PITPNA: variants seen among roughly 807,000 people sequenced by gnomAD.
PITPNA encodes the protein phosphatidylinositol transfer protein alpha.
A neutral mutation model predicts 50.3 loss-of-function variants in PITPNA; 13 were observed. The observed-to-expected ratio is 0.26, with a 90% CI of 0.17 to 0.41. The LOEUF (loss-of-function observed/expected upper bound fraction) is 0.41, where lower values mean the gene tolerates loss of function less well. Among genes scored for constraint, PITPNA ranks in the 10% least tolerant of loss-of-function variants. The pLI is 1.00. For synonymous variants in PITPNA, 120 were observed against 119.6 expected (o/e 1.00, Z -0.02); for missense variants, 207 against 333.4 (o/e 0.62, Z 2.95).
intron 10 of PITPNA, among the ~76,000 whole-genome samples, chr17:1,531,693 C>G (rs2075584588): frequency 6.6e-6 from 1 of 151,652 alleles, no homozygotes; most frequent in South Asian, 2.1e-4. Context: ...CTAAGAGCAT[C>G]AGCATAGATT....
intron 11 of PITPNA, among the ~76,000 whole-genome samples, chr17:1,521,035 A>G (rs2075508344): frequency 6.6e-6 from 1 of 152,056 alleles, no homozygotes; most frequent in Non-Finnish European, 1.5e-5. Context: ...AGGGGCCCCC[A>G]ATCTGGCCCT....
intron 7 of PITPNA, 42 bp downstream of exon 7, chr17:1,538,827 T>G: frequency 7.9e-7 from 1 of 1,272,478 alleles, no homozygotes; most frequent in South Asian, 1.2e-5. Flanking sequence ...AGAAGTCATT[T>G]CTGCGTCTCG....
rs746747639 is a variant in PITPNA, at chr17:1,520,775, G to A, written c.*23-237C>T. ...TGGGAACATGGGGCAGGGAGAGTAAGCAGGGCCTGCCGTCACTCCTGGTGA... is the reference window on the plus strand; with the variant it reads ...TGGGAACATGGGGCAGGGAGAGTAAACAGGGCCTGCCGTCACTCCTGGTGA... On this transcript the variant is annotated intron_variant, in intron 11 of 11. Transcript: ENST00000313486. Among the ~76,000 whole-genome samples the A allele has an allele frequency of 8.5e-5, 13 of 152,172 alleles. 1 individual carries two copies. Among genetic ancestry groups the A allele is most frequent in the Non-Finnish European group, 1.8e-4 (12 of 68,026 alleles).
In PITPNA at chr17:1,558,769, A is replaced by ACCCCCCCCCCCCCCCCC. The variant is rs147366133; in HGVS notation, c.21-211_21-210insGGGGGGGGGGGGGGGGG. Among the ~76,000 whole-genome samples, 22 of 22,692 alleles carry ACCCCCCCCCCCCCCCCC rather than the reference A, an allele frequency of 9.7e-4. 1 individual carries two copies. Among genetic ancestry groups the ACCCCCCCCCCCCCCCCC allele is most frequent in the South Asian group, 3.1e-3 (1 of 322 alleles). The allele number at this position is 22,692 out of a possible 152,430, so 14.9% of individuals were successfully genotyped here. A position where few individuals can be genotyped will look rare whatever the true frequency, so the allele number is the denominator to read the frequency against. ...GTAAGACACTAAACTCTGTGACAAC[A>ACCCCCCCCCCCCCCCCC]CCCCCCCCCCGCCCCCCCCCCCAGA... On this transcript the variant is annotated intron_variant, in intron 1 of 11. Coordinates refer to ENST00000313486, the MANE Select transcript of PITPNA (RefSeq NM_006224.4).
At chr17:1,554,414 T>C (rs1046941478) in intron 2 of PITPNA, among the ~76,000 whole-genome samples, 2 of 146,450 alleles carry the variant, frequency 1.4e-5, no homozygotes, top group African/African-American at 2.5e-5. Flanking sequence ...TTTTTTTTTT[T>C]TTTAGACAGA....
At chr17:1,557,258 G>A (rs893263646) in intron 2 of PITPNA, among the ~76,000 whole-genome samples, 10 of 152,080 alleles carry the variant, frequency 6.6e-5, no homozygotes, top group Non-Finnish European at 1.2e-4. Context: ...TCCTCTAAAG[G>A]GCCAGTGTCT....
intron 10 of PITPNA, among the ~76,000 whole-genome samples, chr17:1,532,127 G>A (rs556868497): frequency 4.6e-4 from 70 of 152,066 alleles, no homozygotes; most frequent in African/African-American, 1.5e-3. Context: ...TTGCTCTGTC[G>A]CCCAGGCTGG....
At position 1,534,337 on chromosome 17, in the gene PITPNA, G is replaced by A. The variant is rs181041763; in HGVS notation, c.646-116C>T. 1.5e-4 allele frequency: 190 copies of A among 1,303,016 alleles called. No homozygotes were observed. The African/African-American group carries it at 2.4e-3, about 17-fold the overall frequency. The allele number at this position is 1,303,016 out of a possible 1,614,324, so 80.7% of individuals were successfully genotyped here. A position where few individuals can be genotyped will look rare whatever the true frequency, so the allele number is the denominator to read the frequency against. Reference sequence around the variant, plus strand: ...CTAGACTGGGGACGGGCGGACAGGAGGAGGAGTAATGCCCGGCTGGTTATC... The same window carrying A: ...CTAGACTGGGGACGGGCGGACAGGAAGAGGAGTAATGCCCGGCTGGTTATC... On this transcript the variant is annotated intron_variant, in intron 9 of 11. Transcript: ENST00000313486.
intron 10 of PITPNA, among the ~76,000 whole-genome samples, chr17:1,522,069 A>ATTTTTTT (rs2075516928): frequency 6.9e-6 from 1 of 144,474 alleles, no homozygotes; most frequent in Admixed American, 6.8e-5. Flanking sequence ...CTTATGAAAC[A>ATTTTTTT]TCTTTTTTTT....
intron 1 of PITPNA, among the ~76,000 whole-genome samples, chr17:1,560,796 G>A (rs1245870674): frequency 1.3e-5 from 2 of 152,194 alleles, no homozygotes; most frequent in African/African-American, 2.4e-5. Context: ...CCGAGCCCTG[G>A]CTGAATTAAC....
At chr17:1,541,263 G>T (rs761206160) in intron 6 of PITPNA, among the ~76,000 whole-genome samples, 3 of 152,142 alleles carry the variant, frequency 2.0e-5, no homozygotes, top group Non-Finnish European at 4.4e-5. Context: ...TTTTTTGGGA[G>T]TTACTGCAAA....
At chr17:1,528,177 C>T (rs1038528410) in intron 10 of PITPNA, among the ~76,000 whole-genome samples, 2 of 152,182 alleles carry the variant, frequency 1.3e-5, no homozygotes, top group Non-Finnish European at 2.9e-5. Context: ...CTTGTTCTGT[C>T]GCCAAGGCTG....
chr17:1,535,389 C>T, intron 8 of PITPNA, 52 bp downstream of exon 8: 8 of 1,512,470 alleles, frequency 5.3e-6, no homozygotes, highest in Admixed American at 1.7e-5. Flanking sequence ...CCACAGGGAG[C>T]GGCCCACCCA....
rs2075495463 is a variant in PITPNA, at chr17:1,519,456, G to A, written c.*1105C>T. 6.6e-6 allele frequency: 1 copy of A among 152,582 alleles called. No homozygotes were observed. The highest frequency in any genetic ancestry group is 1.9e-4 in the East Asian group (1 of 5,198). The allele number at this position is 152,582 out of a possible 1,614,324, so 9.5% of individuals were successfully genotyped here. A position where few individuals can be genotyped will look rare whatever the true frequency, so the allele number is the denominator to read the frequency against. On this transcript the variant is annotated 3_prime_UTR_variant, in exon 12 of 12. Transcript: ENST00000313486. ...ATCACTACTTGCTTTGGGTTTTCCA[G>A]GGCAGAACTCAACATGGGGGTAGGA...
intron 2 of PITPNA, among the ~76,000 whole-genome samples, chr17:1,553,479 C>T (rs548948158): frequency 6.6e-6 from 1 of 152,194 alleles, no homozygotes; most frequent in East Asian, 1.9e-4. Flanking sequence ...TGGTCTCAAG[C>T]CATCCTCCCA....
At chr17:1,522,265 G>T (rs1224474318) in intron 10 of PITPNA, among the ~76,000 whole-genome samples, 1 of 150,690 alleles carries the variant, frequency 6.6e-6, no homozygotes, top group Admixed American at 6.6e-5. Flanking sequence ...TAGAGACGGG[G>T]TTTCACCTTG....
At chr17:1,525,147 G>A (rs1410160717) in intron 10 of PITPNA, among the ~76,000 whole-genome samples, 2 of 151,648 alleles carry the variant, frequency 1.3e-5, no homozygotes, top group African/African-American at 2.4e-5. Flanking sequence ...ACACCACCAC[G>A]CCTGGCTAAT....
intron 1 of PITPNA, among the ~76,000 whole-genome samples, chr17:1,558,780 G>GCC (rs1231466696): frequency 1.4e-4 from 4 of 28,352 alleles, no homozygotes; most frequent in Non-Finnish European, 1.8e-4. Context: ...CCCCCCCCCC[G>GCC]CCCCCCCCCC....
At chr17:1,549,823 C>G (rs1016431136) in intron 3 of PITPNA, among the ~76,000 whole-genome samples, 2 of 145,154 alleles carry the variant, frequency 1.4e-5, no homozygotes, top group Non-Finnish European at 3.0e-5. Flanking sequence ...TACAGGCATG[C>G]GCCACCACGC....
Sources: gnomAD v4.1 joint callset for allele counts (sites outside exome capture counted in the v4.1 genomes callset) on GRCh38, gnomAD v4.1.1 for gene constraint, MANE v1.5 for transcripts, NCBI Gene and HGNC (gene_info 2026-07-23, HGNC 2026-07-21) for gene names.